The following APBA1 variants were observed in gnomAD, a reference collection of about 807,000 sequenced individuals.
The protein encoded by APBA1 is amyloid beta precursor protein binding family A member 1.
A neutral mutation model predicts 86.6 loss-of-function variants in APBA1; 55 were observed. The observed-to-expected ratio is 0.64, with a 90% CI of 0.51 to 0.80. The LOEUF is 0.80. Ranked by LOEUF, APBA1 falls within the 30% of genes least tolerant of loss-of-function variation. APBA1 has a pLI of 0.00. For synonymous variants in APBA1, 511 were observed against 493.9 expected (o/e 1.03, Z -0.46); for missense variants, 1,090 against 1,183.0 (o/e 0.92, Z 1.15).
chr9:69,450,661 G>A (rs566306496), intron 9 of APBA1, among the ~76,000 whole-genome samples: 22 of 152,236 alleles, frequency 1.4e-4, no homozygotes, highest in African/African-American at 5.3e-4. Flanking sequence ...TTTGTATGTT[G>A]AATTACCAAC....
At chr9:69,452,380 A>G in intron 8 of APBA1, 79 bp from the exon 9 acceptor site, 2 of 1,389,130 alleles carry the variant, frequency 1.4e-6, no homozygotes, top group Middle Eastern at 2.4e-4. Context: ...TCCCACCTGA[A>G]CAATGGCCCT....
chr9:69,486,814 C>T (rs1835617118), intron 2 of APBA1, among the ~76,000 whole-genome samples: 1 of 151,714 alleles, frequency 6.6e-6, no homozygotes. Flanking sequence ...TACCAACAGC[C>T]ACAGCTCAGC....
rs1014150047 is a variant in APBA1 at position 69,536,888 on chromosome 9, A to C, written c.-69-19609T>G. Reference sequence around the variant, plus strand: ...GAGCAAGACTCTGTCTCAAAAAAAAACCACAAAAAAACAAAAAAAATTTAC... The same window carrying C: ...GAGCAAGACTCTGTCTCAAAAAAAACCCACAAAAAAACAAAAAAAATTTAC... On this transcript the variant is annotated intron_variant, in intron 1 of 12. Transcript: ENST00000265381. Among the ~76,000 whole-genome samples, 24 of 150,578 alleles carry C rather than the reference A, an allele frequency of 1.6e-4. 1 individual carries two copies. Among genetic ancestry groups the C allele is most frequent in the African/African-American group, 2.4e-4 (10 of 41,094 alleles).
intron 1 of APBA1, among the ~76,000 whole-genome samples, chr9:69,648,782 A>G (rs1378377201): frequency 2.0e-5 from 3 of 152,162 alleles, no homozygotes; most frequent in East Asian, 1.9e-4. Context: ...TTCCAAATCT[A>G]TGCTTGGTTA....
intron 1 of APBA1, among the ~76,000 whole-genome samples, chr9:69,639,672 G>A (rs1823247958): frequency 6.6e-6 from 1 of 152,142 alleles, no homozygotes; most frequent in Non-Finnish European, 1.5e-5. Context: ...GAGGGTGTGA[G>A]CAAACCAACT....
intron 1 of APBA1, among the ~76,000 whole-genome samples, chr9:69,597,541 C>T (rs1487435430): frequency 6.6e-6 from 1 of 152,160 alleles, no homozygotes; most frequent in African/African-American, 2.4e-5. Flanking sequence ...TCAATTTTGG[C>T]TTTTGCTGCC....
chr9:69,609,783 T>C (rs542367306), intron 1 of APBA1, among the ~76,000 whole-genome samples: 205 of 152,098 alleles, frequency 1.3e-3, no homozygotes, highest in Non-Finnish European at 2.3e-3. Flanking sequence ...TCTCCTTCCC[T>C]TTGGTGAGTT....
At chr9:69,528,183 T>TA (rs1316369332) in intron 1 of APBA1, among the ~76,000 whole-genome samples, 1 of 152,148 alleles carries the variant, frequency 6.6e-6, no homozygotes, top group African/African-American at 2.4e-5. Context: ...GTGTGATGAC[T>TA]ACAGAATCAG....
chr9:69,658,187 C>A (rs1163517359), intron 1 of APBA1, among the ~76,000 whole-genome samples: 1 of 152,154 alleles, frequency 6.6e-6, no homozygotes, highest in African/African-American at 2.4e-5. Context: ...GAGAGGCCTG[C>A]TGATGGACAA....
intron 1 of APBA1, among the ~76,000 whole-genome samples, chr9:69,556,088 C>T (rs1240322787): frequency 6.6e-6 from 1 of 152,088 alleles, no homozygotes; most frequent in Non-Finnish European, 1.5e-5. Flanking sequence ...AACACAAAAG[C>T]ATTTAGAAAT....
intron 1 of APBA1, among the ~76,000 whole-genome samples, chr9:69,590,156 T>C (rs976556787): frequency 6.6e-6 from 1 of 152,208 alleles, no homozygotes; most frequent in African/African-American, 2.4e-5. Flanking sequence ...TTTTTAAAAA[T>C]AACAAGATGT....
intron 2 of APBA1, among the ~76,000 whole-genome samples, chr9:69,494,781 G>T (rs754618469): frequency 6.6e-6 from 1 of 152,140 alleles, no homozygotes; most frequent in African/African-American, 2.4e-5. Flanking sequence ...ATAGCTAAGA[G>T]CACAAGGAGA....
chr9:69,603,844 C>T (rs929909082), intron 1 of APBA1, among the ~76,000 whole-genome samples: 14 of 152,176 alleles, frequency 9.2e-5, no homozygotes, highest in African/African-American at 3.1e-4. Flanking sequence ...TGGGAATAGA[C>T]GGACGGTCAC....
Position 69,610,279 on chromosome 9 carries a change from T to TA in APBA1, c.-70+61873dup, listed in dbSNP as rs549566395. Among the ~76,000 whole-genome samples, 3 of 152,256 alleles carry TA rather than the reference T, an allele frequency of 2.0e-5. No homozygotes were observed. The East Asian group carries it at 5.8e-4, about 29-fold the overall frequency. On this transcript the variant is annotated intron_variant, in intron 1 of 12. Coordinates refer to ENST00000265381, the MANE Select transcript of APBA1 (RefSeq NM_001163.4). ...AGTCTACAGTGGGCTAGGATCCTGT[T>TA]ACTGCAGTCCAGCCTGGGTGACAGA...
chr9:69,542,608 CA>C (rs1230646831), intron 1 of APBA1, among the ~76,000 whole-genome samples: 1 of 152,188 alleles, frequency 6.6e-6, no homozygotes, highest in East Asian at 1.9e-4. Flanking sequence ...TGTGTGTGGA[CA>C]TAAGTTTTCA....
intron 9 of APBA1, 105 bp from the exon 10 acceptor site, chr9:69,449,901 C>T: frequency 2.0e-6 from 2 of 984,112 alleles, no homozygotes; most frequent in Non-Finnish European, 3.0e-6. Context: ...AAAGACACTT[C>T]CCTGGGGACA....
chr9:69,585,408 G>T (rs1023321815), intron 1 of APBA1, among the ~76,000 whole-genome samples: 2 of 152,188 alleles, frequency 1.3e-5, no homozygotes, highest in Non-Finnish European at 2.9e-5. Flanking sequence ...AAGGAAAGGG[G>T]TGTGTGCCCG....
chr9:69,460,204 C>G (rs12000119), intron 5 of APBA1, among the ~76,000 whole-genome samples: 2 of 152,288 alleles, frequency 1.3e-5, no homozygotes, highest in Admixed American at 1.3e-4. Context: ...CCCGGGAAAC[C>G]AGGGCAACCA....
chr9:69,669,746 C>T (rs946398892), intron 1 of APBA1, among the ~76,000 whole-genome samples: 1 of 152,074 alleles, frequency 6.6e-6, no homozygotes, highest in East Asian at 1.9e-4. Context: ...TGCACTCCAG[C>T]CTGGGCGACA....
Sources: allele counts gnomAD v4.1 joint callset (sites outside exome capture counted in the v4.1 genomes callset), GRCh38; gene constraint gnomAD v4.1.1; transcripts MANE v1.5; gene names NCBI Gene and HGNC (gene_info 2026-07-23, HGNC 2026-07-21).